SNTB2: variants seen among roughly 807,000 people sequenced by gnomAD.
SNTB2 encodes the protein syntrophin beta 2.
SNTB2 carries 34 observed loss-of-function variants against 46.2 expected under a neutral mutation model. The ratio of observed to expected loss-of-function variants is 0.74; its 90% CI spans 0.56 to 0.98. SNTB2 has a LOEUF of 0.98. Ranked by LOEUF, SNTB2 falls within the 50% of genes least tolerant of loss-of-function variation. The pLI is 0.00. For synonymous variants in SNTB2, 290 were observed against 312.6 expected (o/e 0.93, Z 0.76); for missense variants, 603 against 731.4 (o/e 0.82, Z 2.02).
intron 4 of SNTB2, among the ~76,000 whole-genome samples, chr16:69,274,116 A>G (rs1964963480): frequency 6.6e-6 from 1 of 151,860 alleles, no homozygotes; most frequent in Non-Finnish European, 1.5e-5. Context: ...GTTCAAGACC[A>G]GCCTGACCAA....
chr16:69,187,528 A>G lies in SNTB2; in HGVS notation c.362A>G (p.Gln121Arg). ...PPVRRVRVVKQEAGGLGISIK... is the reference protein window; with the variant it reads ...PPVRRVRVVKREAGGLGISIK... ...GTGCGCCGGGTGCGGGTGGTGAAGC[A>G]AGAGGCGGGCGGCCTGGGCATCAGC... Residue 121 changes from glutamine to arginine, a missense_variant, in exon 1 of 7, where the codon CAA becomes CGA. By Grantham distance (43) the Gln-to-Arg change is conservative (BLOSUM62 1). Transcript: ENST00000336278. 7.2e-7 allele frequency: 1 copy of G among 1,390,156 alleles called. No individual in the cohort carries two copies. The highest frequency in any genetic ancestry group is 9.4e-7 in the Non-Finnish European group (1 of 1,059,570). The allele number at this position is 1,390,156 out of a possible 1,614,324, so 86.1% of individuals were successfully genotyped here.
At chr16:69,187,823 C>T in intron 1 of SNTB2, 77 bp downstream of exon 1, 1 of 1,207,390 alleles carries the variant, frequency 8.3e-7, no homozygotes, top group Non-Finnish European at 1.1e-6. Flanking sequence ...TCCTGCCCCG[C>T]CGGCGGGGCG....
chr16:69,274,530 G>A (rs912300036), intron 4 of SNTB2, among the ~76,000 whole-genome samples: 2 of 151,922 alleles, frequency 1.3e-5, no homozygotes, highest in Non-Finnish European at 2.9e-5. Context: ...GCGGGCGCCT[G>A]TGGTCCCAGC....
chr16:69,303,844 T>C lies in SNTB2; in HGVS notation c.*2920T>C, dbSNP rs529331780. 4 of 152,782 alleles carry C rather than the reference T, an allele frequency of 2.6e-5. No homozygotes were observed. The South Asian group carries it at 8.3e-4, about 32-fold the overall frequency. The allele number at this position is 152,782 out of a possible 1,614,324, so 9.5% of individuals were successfully genotyped here. A position where few individuals can be genotyped will look rare whatever the true frequency, so the allele number is the denominator to read the frequency against. ...CTACAAATGGGAATTTTCGATATTC[T>C]ACCTTTTTTATAGAACCAGCTCACT... is the stretch of plus-strand genomic sequence containing the variant. On this transcript the variant is annotated 3_prime_UTR_variant, in exon 7 of 7. Coordinates refer to ENST00000336278, the MANE Select transcript of SNTB2 (RefSeq NM_006750.4).
At chr16:69,280,516 T>C (rs1324957509) in intron 4 of SNTB2, among the ~76,000 whole-genome samples, 10 of 145,852 alleles carry the variant, frequency 6.9e-5, no homozygotes, top group African/African-American at 1.8e-4. Flanking sequence ...CCCTCCCGGA[T>C]GGGGCGGCTG....
intron 1 of SNTB2, among the ~76,000 whole-genome samples, chr16:69,204,932 G>T (rs1597171276): frequency 6.6e-6 from 1 of 152,180 alleles, no homozygotes; most frequent in Admixed American, 6.5e-5. Flanking sequence ...TAATGTTACT[G>T]CTGTGTGCAT....
rs1410300348 is a variant in SNTB2, at chr16:69,308,983, G to A, written c.*8059G>A. The A allele has an allele frequency of 1.3e-5, 2 of 151,918 alleles. No homozygotes were observed. Among genetic ancestry groups the A allele is most frequent in the East Asian group, 1.9e-4 (1 of 5,182 alleles). 9.4% of individuals were successfully genotyped at this position (151,918 alleles called of 1,614,324 possible). Reference sequence around the variant, plus strand: ...TACAATGAAAATGTGTAACTTAAGGGTATTATATATATAAATACATATATA... The same window carrying A: ...TACAATGAAAATGTGTAACTTAAGGATATTATATATATAAATACATATATA... On this transcript the variant is annotated 3_prime_UTR_variant, in exon 7 of 7. Coordinates refer to ENST00000336278, the MANE Select transcript of SNTB2 (RefSeq NM_006750.4).
chr16:69,204,586 A>G (rs1843517224), intron 1 of SNTB2, among the ~76,000 whole-genome samples: 1 of 152,238 alleles, frequency 6.6e-6, no homozygotes, highest in African/African-American at 2.4e-5. Flanking sequence ...CTTTGTGGAA[A>G]GAAAAGATCT....
chr16:69,226,489 T>C (rs1302776661), intron 1 of SNTB2, among the ~76,000 whole-genome samples: 1 of 152,198 alleles, frequency 6.6e-6, no homozygotes, highest in Non-Finnish European at 1.5e-5. Flanking sequence ...AATAAGAATA[T>C]TTTAATCCAT....
intron 3 of SNTB2, among the ~76,000 whole-genome samples, chr16:69,268,540 A>G: frequency 6.6e-6 from 1 of 152,042 alleles, no homozygotes; most frequent in East Asian, 1.9e-4. Context: ...TTAAGCTGCT[A>G]AGTTCTGGGT....
At position 69,226,841 on chromosome 16, in the gene SNTB2, G is replaced by A. The variant is rs185982185; in HGVS notation, c.581-18761G>A. Among the ~76,000 whole-genome samples, 21 of 152,310 alleles carry A rather than the reference G, an allele frequency of 1.4e-4. No individual in the cohort carries two copies. The East Asian group carries it at 3.1e-3, about 22-fold the overall frequency. On this transcript the variant is annotated intron_variant, in intron 1 of 6. Coordinates refer to ENST00000336278, the MANE Select transcript of SNTB2 (RefSeq NM_006750.4). ...CCATGGTGCATGGCCCTAAGGTTAT[G>A]TTTTTATGTTACTGCAGGAGCAAAC...
At chr16:69,214,558 G>A (rs182251190) in intron 1 of SNTB2, among the ~76,000 whole-genome samples, 250 of 151,880 alleles carry the variant, frequency 1.6e-3, no homozygotes, top group Non-Finnish European at 3.1e-3. Context: ...GCAGAGTCTC[G>A]CTCTGTCGCC....
At chr16:69,297,990 G>A (rs1965244012) in intron 5 of SNTB2, among the ~76,000 whole-genome samples, 1 of 152,162 alleles carries the variant, frequency 6.6e-6, no homozygotes, top group Non-Finnish European at 1.5e-5. Context: ...CCAGGCTAGA[G>A]TGCAGTGGCA....
chr16:69,298,666 C>T lies in SNTB2; in HGVS notation c.1346-924C>T, dbSNP rs1195977505. On this transcript the variant is annotated intron_variant, in intron 5 of 6. Coordinates refer to ENST00000336278, the MANE Select transcript of SNTB2 (RefSeq NM_006750.4). ...CCTCCCAAGTAGCTGGGATTACAGG[C>T]ATGTGCCACCATGGCTGGCTAATTT... 2.0e-5 allele frequency among the ~76,000 whole-genome samples: 3 copies of T among 152,070 alleles called. No homozygotes were observed. The East Asian group carries it at 5.8e-4, about 29-fold the overall frequency.
intron 1 of SNTB2, among the ~76,000 whole-genome samples, chr16:69,214,555 C>T (rs1467068479): frequency 6.6e-6 from 1 of 152,012 alleles, no homozygotes; most frequent in African/African-American, 2.4e-5. Context: ...GAGGCAGAGT[C>T]TCGCTCTGTC....
chr16:69,235,249 C>T (rs17691707), intron 1 of SNTB2, among the ~76,000 whole-genome samples: 7,588 of 151,946 alleles, frequency 0.05, 261 homozygotes, highest in Non-Finnish European at 0.071. Context: ...AACTTGGTTC[C>T]GATGAGTGGT....
At chr16:69,257,843 G>A (rs1396447873) in intron 2 of SNTB2, among the ~76,000 whole-genome samples, 8 of 152,322 alleles carry the variant, frequency 5.3e-5, no homozygotes, top group Non-Finnish European at 1.2e-4. Flanking sequence ...TAGACTGGTA[G>A]GTAGGCCTGG....
intron 1 of SNTB2, among the ~76,000 whole-genome samples, chr16:69,218,237 CAT>C (rs1260175046): frequency 6.6e-6 from 1 of 152,116 alleles, no homozygotes. Context: ...AATATTAACA[CAT>C]ATTGGCTGTC....
At chr16:69,294,534 G>C (rs1965204346) in intron 5 of SNTB2, among the ~76,000 whole-genome samples, 1 of 151,364 alleles carries the variant, frequency 6.6e-6, no homozygotes, top group African/African-American at 2.4e-5. Context: ...GACCATCCTG[G>C]CCAATATGGC....
Sources: gnomAD v4.1 joint callset for allele counts (sites outside exome capture counted in the v4.1 genomes callset) on GRCh38, gnomAD v4.1.1 for gene constraint, MANE v1.5 for transcripts, NCBI Gene and HGNC (gene_info 2026-07-23, HGNC 2026-07-21) for gene names.